Variants in FSTL4 observed in about 807,000 individuals in gnomAD.
The protein encoded by FSTL4 is follistatin-related protein 4.
FSTL4 carries 28 observed loss-of-function variants against 78.2 expected under a neutral mutation model. The observed-to-expected ratio is 0.36, with a 90% confidence interval of 0.27 to 0.49. FSTL4 has a LOEUF of 0.49. FSTL4 is among the 20% of genes least tolerant of loss of function. The probability of loss-of-function intolerance (pLI) is 0.98; values close to 1 mark genes in which losing one functional copy is unlikely to be tolerated. For synonymous variants in FSTL4, 422 were observed against 440.5 expected (o/e 0.96, Z 0.53); for missense variants, 922 against 1,084.9 (o/e 0.85, Z 2.11).
intron 1 of FSTL4, among the ~76,000 whole-genome samples, chr5:133,606,767 T>C (rs1760986600): frequency 6.6e-6 from 1 of 152,268 alleles, no homozygotes; most frequent in Admixed American, 6.5e-5. Flanking sequence ...CTCTTGGAGT[T>C]ATGAAATACA....
chr5:133,789,435 C>T, the FSTL4 span, among the ~76,000 whole-genome samples: 1 of 152,212 alleles, frequency 6.6e-6, no homozygotes, highest in South Asian at 2.1e-4. Context: ...TACAAGGAAG[C>T]TAATCACTAG....
At chr5:133,485,755 A>C (rs922112995) in intron 3 of FSTL4, among the ~76,000 whole-genome samples, 1 of 152,178 alleles carries the variant, frequency 6.6e-6, no homozygotes, top group Non-Finnish European at 1.5e-5. Flanking sequence ...CTGCTGGCTA[A>C]AGAGTCAAAT....
intron 4 of FSTL4, among the ~76,000 whole-genome samples, chr5:133,385,868 A>C (rs1755687108): frequency 6.6e-6 from 1 of 152,244 alleles, no homozygotes; most frequent in African/African-American, 2.4e-5. Context: ...AGTTGCCTTC[A>C]GAACACAAGT....
chr5:133,694,352 T>C, the FSTL4 span, among the ~76,000 whole-genome samples: 1 of 152,146 alleles, frequency 6.6e-6, no homozygotes, highest in African/African-American at 2.4e-5. Flanking sequence ...CGATCTGCCA[T>C]GTACCTCCTC....
At chr5:133,437,999 G>A (rs898899649) in intron 3 of FSTL4, among the ~76,000 whole-genome samples, 13 of 151,856 alleles carry the variant, frequency 8.6e-5, no homozygotes, top group South Asian at 2.1e-4. Context: ...GAATTGTAAC[G>A]TATTACTCTA....
At chr5:133,315,510 G>A (rs941439419) in intron 5 of FSTL4, among the ~76,000 whole-genome samples, 4 of 152,178 alleles carry the variant, frequency 2.6e-5, no homozygotes, top group Non-Finnish European at 5.9e-5. Flanking sequence ...CCTTGAGAAG[G>A]TCCCTGTGCC....
rs985973446 is a variant in FSTL4 at position 133,510,743 on chromosome 5, T to C, written c.160+56443A>G. On this transcript the variant is annotated intron_variant, in intron 3 of 15. Transcript: ENST00000265342. ...TCTTCATGGAGCCCCAGGGAGTCCT[T>C]TCTGGAAGACAGGAGCTTTGCGATC... Among the ~76,000 whole-genome samples the C allele has an allele frequency of 2.6e-5, 4 of 152,128 alleles. No homozygotes were observed. The East Asian group carries it at 7.8e-4, about 29-fold the overall frequency.
At chr5:133,443,727 G>A (rs552166108) in intron 3 of FSTL4, among the ~76,000 whole-genome samples, 9 of 152,228 alleles carry the variant, frequency 5.9e-5, no homozygotes, top group African/African-American at 2.2e-4. Context: ...GTCAATTACT[G>A]CCCATAGGGA....
chr5:133,705,206 C>A, the FSTL4 span, among the ~76,000 whole-genome samples: 13 of 152,118 alleles, frequency 8.5e-5, no homozygotes, highest in Non-Finnish European at 1.3e-4. Flanking sequence ...ATTACTGGTA[C>A]CTGCCATCAC....
rs145892127 is a variant in FSTL4, at chr5:133,400,784, C to T, written c.363G>A (p.Leu121=). The change falls in exon 4 of 16, where the codon CTG becomes CTA. Residue 121 remains leucine (L), a synonymous_variant. Transcript: ENST00000265342. ...TGTGGATGACGGTGATCCTCTTTCC[C>T]AGGAGGCAAGCAGCACGGTGGAGCT... ...HCKLHRAACL[L]GKRITVIHSK... 1.5e-5 allele frequency: 24 copies of T among 1,613,976 alleles called. No individual in the cohort carries two copies. The African/African-American group carries it at 2.3e-4, about 15-fold the overall frequency.
chr5:133,250,574 C>T (rs1752193999), intron 6 of FSTL4, among the ~76,000 whole-genome samples: 1 of 152,258 alleles, frequency 6.6e-6, no homozygotes, highest in South Asian at 2.1e-4. Context: ...TCCCCCTGAA[C>T]TGGAACGAAG....
intron 3 of FSTL4, 139 bp downstream of exon 3, chr5:133,567,047 A>C (rs1363457696): frequency 4.3e-6 from 3 of 700,622 alleles, no homozygotes; most frequent in African/African-American, 1.8e-5. Flanking sequence ...ACAAGTGCTA[A>C]GCAGTCAGCA....
At chr5:133,314,520 A>T (rs1753858655) in intron 5 of FSTL4, among the ~76,000 whole-genome samples, 1 of 151,478 alleles carries the variant, frequency 6.6e-6, no homozygotes, top group Admixed American at 6.6e-5. Flanking sequence ...GCTACTCCTT[A>T]CTAGGGTTCT....
the FSTL4 span, among the ~76,000 whole-genome samples, chr5:133,786,885 G>T: frequency 6.6e-6 from 1 of 152,216 alleles, no homozygotes; most frequent in East Asian, 1.9e-4. Flanking sequence ...CACTCATGAG[G>T]TGGGGACTAT....
the FSTL4 span, among the ~76,000 whole-genome samples, chr5:133,735,580 C>T: frequency 2.0e-5 from 3 of 152,300 alleles, no homozygotes; most frequent in Middle Eastern, 3.4e-3. Context: ...CATTTTTAAT[C>T]GCTGCGGCTG....
chr5:133,301,908 C>T (rs891336589), intron 6 of FSTL4, among the ~76,000 whole-genome samples: 1 of 152,098 alleles, frequency 6.6e-6, no homozygotes, highest in Non-Finnish European at 1.5e-5. Context: ...AAAGCCACCT[C>T]GTGTTGGCGA....
chr5:133,643,709 T>C, the FSTL4 span, among the ~76,000 whole-genome samples: 2 of 152,166 alleles, frequency 1.3e-5, no homozygotes, highest in Non-Finnish European at 2.9e-5. Flanking sequence ...TAACAGATGG[T>C]GCCCCGATGA....
At chr5:133,304,526 A>G (rs1753615067) in intron 6 of FSTL4, among the ~76,000 whole-genome samples, 1 of 152,216 alleles carries the variant, frequency 6.6e-6, no homozygotes, top group Admixed American at 6.5e-5. Flanking sequence ...CAATTTGTAT[A>G]TAATAGATTT....
At chr5:133,558,472 C>A in intron 3 of FSTL4, among the ~76,000 whole-genome samples, 1 of 152,080 alleles carries the variant, frequency 6.6e-6, no homozygotes, top group East Asian at 1.9e-4. Flanking sequence ...GACCCCGGCC[C>A]AGGTCTCCCC....
Sources: allele counts gnomAD v4.1 joint callset (sites outside exome capture counted in the v4.1 genomes callset), GRCh38; gene constraint gnomAD v4.1.1; transcripts MANE v1.5; gene names NCBI Gene and HGNC (gene_info 2026-07-23, HGNC 2026-07-21).